BAZ2B: variants seen among roughly 807,000 people sequenced by gnomAD.
BAZ2B encodes bromodomain adjacent to zinc finger domain 2B.
BAZ2B carries 91 observed loss-of-function variants against 246.0 expected under a neutral mutation model. The observed-to-expected ratio is 0.37, with a 90% CI of 0.31 to 0.44. The LOEUF (loss-of-function observed/expected upper bound fraction) is 0.44. BAZ2B is among the 20% of genes least tolerant of loss of function. The pLI is 1.00. For missense variants in BAZ2B, 2,332 were observed against 2,533.7 expected, an observed-to-expected ratio of 0.92 and a Z score of 1.71; for synonymous variants, 855 against 860.0, an observed-to-expected ratio of 0.99 and a Z score of 0.10.
At chr2:159,477,130 C>A (rs1471310709) in intron 3 of BAZ2B, among the ~76,000 whole-genome samples, 2 of 151,930 alleles carry the variant, frequency 1.3e-5, no homozygotes, top group Non-Finnish European at 2.9e-5. Flanking sequence ...ACGGTGAAAC[C>A]CCGTCTCTAC....
At chr2:159,672,173 A>C in the BAZ2B span, among the ~76,000 whole-genome samples, 2 of 152,220 alleles carry the variant, frequency 1.3e-5, no homozygotes, top group Non-Finnish European at 2.9e-5. Context: ...GCAACAAAAT[A>C]ATAATTTTGC....
At chr2:159,361,094 G>C (rs2059641612) in intron 27 of BAZ2B, among the ~76,000 whole-genome samples, 1 of 152,110 alleles carries the variant, frequency 6.6e-6, no homozygotes, top group Admixed American at 6.5e-5. Context: ...AGCCAAAATT[G>C]ACAAATGGGA....
At chr2:159,415,458 A>G (rs1042020832) in intron 13 of BAZ2B, among the ~76,000 whole-genome samples, 3 of 151,616 alleles carry the variant, frequency 2.0e-5, no homozygotes, top group African/African-American at 7.3e-5. Context: ...AAAAAAAAAA[A>G]AAATACTGCT....
At chr2:159,466,200 TG>T (rs972887055) in intron 3 of BAZ2B, among the ~76,000 whole-genome samples, 7 of 152,226 alleles carry the variant, frequency 4.6e-5, no homozygotes, top group African/African-American at 1.7e-4. Flanking sequence ...TAATCTCAAC[TG>T]ATCTTTTAAA....
At chr2:159,477,290 G>C (rs757481026) in intron 3 of BAZ2B, among the ~76,000 whole-genome samples, 7 of 151,798 alleles carry the variant, frequency 4.6e-5, no homozygotes, top group Non-Finnish European at 2.9e-5. Flanking sequence ...GGGTGACAGT[G>C]CAAGACTCTG....
intron 27 of BAZ2B, among the ~76,000 whole-genome samples, chr2:159,359,066 C>T (rs2059410349): frequency 6.6e-6 from 1 of 152,028 alleles, no homozygotes; most frequent in Non-Finnish European, 1.5e-5. Flanking sequence ...CAAGAGCAAA[C>T]ACATTCAAAA....
At chr2:159,479,069 A>G (rs193299767) in intron 2 of BAZ2B, among the ~76,000 whole-genome samples, 6 of 152,234 alleles carry the variant, frequency 3.9e-5, no homozygotes, top group African/African-American at 1.4e-4. Flanking sequence ...TTGCAACAGA[A>G]TTCCTATGTT....
intron 2 of BAZ2B, among the ~76,000 whole-genome samples, chr2:159,496,162 T>C (rs923163532): frequency 2.1e-5 from 3 of 146,248 alleles, no homozygotes; most frequent in Non-Finnish European, 4.5e-5. Context: ...GATCACGAGG[T>C]CAGAAGATCG....
intron 36 of BAZ2B, among the ~76,000 whole-genome samples, chr2:159,324,008 T>G (rs547495021): frequency 6.6e-6 from 1 of 152,268 alleles, no homozygotes; most frequent in Non-Finnish European, 1.5e-5. Flanking sequence ...AATTTGTCAT[T>G]TGGTCAATCT....
chr2:159,362,167 A>C (rs1576097553), intron 27 of BAZ2B, among the ~76,000 whole-genome samples: 1 of 10,792 alleles, frequency 9.3e-5, no homozygotes, highest in Non-Finnish European at 8.1e-4. Flanking sequence ...ACTGGACTGG[A>C]AAAAAAAATC....
intron 25 of BAZ2B, among the ~76,000 whole-genome samples, chr2:159,380,469 T>C (rs940147867): frequency 3.9e-5 from 6 of 152,174 alleles, no homozygotes; most frequent in African/African-American, 1.2e-4. Context: ...CTTTTTGCAA[T>C]GTTTGATTTT....
At chr2:159,486,358 A>G (rs1284391068) in intron 2 of BAZ2B, among the ~76,000 whole-genome samples, 1 of 152,052 alleles carries the variant, frequency 6.6e-6, no homozygotes, top group Non-Finnish European at 1.5e-5. Flanking sequence ...AGATGAAAAA[A>G]TAAAGCAGAG....
Position 159,400,648 on chromosome 2 carries a change from A to G in BAZ2B, c.2849T>C (p.Ile950Thr), listed in dbSNP as rs2064847292. The change falls in exon 17 of 37, where the codon ATA becomes ACA. Residue 950 changes from isoleucine to threonine, a missense_variant. Physicochemically the swap from Ile to Thr is moderately conservative, Grantham distance 89 (BLOSUM62 -1). This residue lies in a region of BAZ2B where 651 missense variants were observed against 650.9 expected (regional missense o/e 1.00). Coordinates refer to ENST00000392783, the MANE Select transcript of BAZ2B (RefSeq NM_013450.4). The part of the protein sequence containing the change: ...IMKQQEKIKR[I>T]QQIRMEKELR... ...TTCTTTTTCCATTCTGATTTGCTGT[A>G]TTCTCTTAATTTTTTCCTGTAGGAA... is the stretch of plus-strand genomic sequence containing the variant. 1.9e-6 allele frequency: 3 copies of G among 1,570,898 alleles called. No homozygotes were observed. Among genetic ancestry groups the G allele is most frequent in the Middle Eastern group, 1.7e-4 (1 of 5,934 alleles).
chr2:159,427,460 CAAA>C (rs908839055), intron 13 of BAZ2B, among the ~76,000 whole-genome samples: 16 of 150,940 alleles, frequency 1.1e-4, no homozygotes, highest in Middle Eastern at 3.4e-3. Context: ...TAAGAAATGA[CAAA>C]AAAAAACTTA....
At chr2:159,433,637 T>C (rs2071570061) in intron 8 of BAZ2B, 1 of 262,290 alleles carries the variant, frequency 3.8e-6, no homozygotes, top group Non-Finnish European at 7.1e-6. Context: ...ATTTTCACAA[T>C]AATCCAAACT....
chr2:159,639,602 A>G, the BAZ2B span, among the ~76,000 whole-genome samples: 1 of 152,180 alleles, frequency 6.6e-6, no homozygotes, highest in African/African-American at 2.4e-5. Flanking sequence ...TTATGCAAGC[A>G]GTGTTAAGTC....
chr2:159,359,101 A>G (rs560546587), intron 27 of BAZ2B, among the ~76,000 whole-genome samples: 4 of 152,334 alleles, frequency 2.6e-5, no homozygotes, highest in Non-Finnish European at 5.9e-5. Flanking sequence ...AGAAATAACT[A>G]AGATCAGAGC....
At chr2:159,517,446 A>T (rs1041034980) in intron 2 of BAZ2B, among the ~76,000 whole-genome samples, 4 of 152,044 alleles carry the variant, frequency 2.6e-5, no homozygotes, top group African/African-American at 7.2e-5. Context: ...TTTACTACTT[A>T]AAAAAATCTA....
At chr2:159,661,499 C>CT in the BAZ2B span, among the ~76,000 whole-genome samples, 1 of 152,080 alleles carries the variant, frequency 6.6e-6, no homozygotes, top group African/African-American at 2.4e-5. Context: ...TTTTGTTTAG[C>CT]TTTTTAAGCT....
Sources: gnomAD v4.1 joint callset for allele counts (sites outside exome capture counted in the v4.1 genomes callset) on GRCh38, gnomAD v4.1.1 for gene constraint, gnomAD v4.1.1 regional missense constraint, MANE v1.5 for transcripts, NCBI Gene and HGNC (gene_info 2026-07-23, HGNC 2026-07-21) for gene names.